Variants in CD2AP observed in about 807,000 individuals in gnomAD.
CD2AP encodes the protein CD2-associated protein.
A neutral mutation model predicts 85.1 loss-of-function variants in CD2AP; 46 were observed. That is an observed-to-expected ratio of 0.54 (90% CI 0.43 to 0.69). CD2AP has a LOEUF of 0.69. CD2AP is among the 30% of genes least tolerant of loss of function. The probability of loss-of-function intolerance (pLI) is 0.00; values close to 1 mark genes in which losing one functional copy is unlikely to be tolerated. For synonymous variants in CD2AP, 255 were observed against 252.9 expected (o/e 1.01, Z -0.08); for missense variants, 769 against 729.5 (o/e 1.05, Z -0.62).
intron 1 of CD2AP, among the ~76,000 whole-genome samples, chr6:47,489,483 A>G (rs978745322): frequency 6.6e-6 from 1 of 151,976 alleles, no homozygotes; most frequent in African/African-American, 2.4e-5. Flanking sequence ...GCTGCACTCG[A>G]CTAGTTTTTT....
At chr6:47,555,299 A>T (rs1397477188) in intron 5 of CD2AP, among the ~76,000 whole-genome samples, 1 of 152,186 alleles carries the variant, frequency 6.6e-6, no homozygotes, top group African/African-American at 2.4e-5. Flanking sequence ...TTTACCCCAA[A>T]GCTAGATTTA....
In CD2AP at chr6:47,576,748, A is replaced by G. The variant is rs574442886; in HGVS notation, c.808+146A>G. Reference sequence around the variant, plus strand: ...AAGCACCATGAGGTCAAGGATTTTGATATACTTTGTTGGTTGATGGATGTA... The same window carrying G: ...AAGCACCATGAGGTCAAGGATTTTGGTATACTTTGTTGGTTGATGGATGTA... On this transcript the variant is annotated intron_variant, in intron 7 of 17. Transcript: ENST00000359314. 24 of 697,516 alleles carry G rather than the reference A, an allele frequency of 3.4e-5. No homozygotes were observed. In the African/African-American group the frequency reaches 3.6e-4, roughly 10 times the overall value. The allele number at this position is 697,516 out of a possible 1,614,324, so 43.2% of individuals were successfully genotyped here.
At chr6:47,587,462 C>T (rs971215500) in intron 11 of CD2AP, among the ~76,000 whole-genome samples, 3 of 152,150 alleles carry the variant, frequency 2.0e-5, no homozygotes, top group African/African-American at 7.2e-5. Flanking sequence ...CAAGCCACCA[C>T]GTGGATTTTC....
chr6:47,592,967 T>A (rs1490148975), intron 11 of CD2AP, among the ~76,000 whole-genome samples: 6 of 152,108 alleles, frequency 3.9e-5, no homozygotes, highest in African/African-American at 1.4e-4. Flanking sequence ...AGCCAATTGA[T>A]CAGAAGTACG....
chr6:47,551,203 A>T (rs9367285), intron 4 of CD2AP, among the ~76,000 whole-genome samples: 91,718 of 151,838 alleles, frequency 0.6, 28,532 homozygotes, highest in Middle Eastern at 0.74. Context: ...AGAAAAAAAA[A>T]TTTAAAATAA....
At chr6:47,557,816 T>C (rs1187601279) in intron 5 of CD2AP, among the ~76,000 whole-genome samples, 1 of 152,230 alleles carries the variant, frequency 6.6e-6, no homozygotes, top group Non-Finnish European at 1.5e-5. Flanking sequence ...GGGCTCTTTT[T>C]TGGTTCCATA....
chr6:47,578,857 TTGTTGG>T (rs1239145451), intron 8 of CD2AP, among the ~76,000 whole-genome samples: 1 of 151,812 alleles, frequency 6.6e-6, no homozygotes, highest in African/African-American at 2.4e-5. Context: ...GGGTTTCACC[TTGTTGG>T]TCAGGCTGGT....
At chr6:47,624,139 A>T (rs555469249) in intron 17 of CD2AP, 47 bp from the exon 18 acceptor site, 1 of 1,435,070 alleles carries the variant, frequency 7.0e-7, no homozygotes, top group East Asian at 2.3e-5. Flanking sequence ...ATAAACTACT[A>T]AACTAAGGAT....
chr6:47,577,708 C>A (rs953234776), intron 8 of CD2AP, among the ~76,000 whole-genome samples: 4 of 151,982 alleles, frequency 2.6e-5, no homozygotes, highest in African/African-American at 9.7e-5. Flanking sequence ...TTTGCTATAA[C>A]CCTGTAGAAT....
chr6:47,620,049 T>C (rs1769704310), intron 17 of CD2AP, among the ~76,000 whole-genome samples: 1 of 152,264 alleles, frequency 6.6e-6, no homozygotes, highest in Non-Finnish European at 1.5e-5. Flanking sequence ...CCATTTGCCA[T>C]GCAAAAGCTC....
chr6:47,605,810 T>A (rs2114145028), intron 13 of CD2AP, among the ~76,000 whole-genome samples: 1 of 152,140 alleles, frequency 6.6e-6, no homozygotes, highest in South Asian at 2.1e-4. Context: ...GTTTAAGAAG[T>A]AGATCTTTGT....
At chr6:47,523,600 A>G (rs1439567926) in intron 2 of CD2AP, among the ~76,000 whole-genome samples, 1 of 152,158 alleles carries the variant, frequency 6.6e-6, no homozygotes, top group Non-Finnish European at 1.5e-5. Context: ...TAAAGCATTA[A>G]CTATTTTACA....
intron 2 of CD2AP, among the ~76,000 whole-genome samples, chr6:47,507,165 C>T (rs1299863686): frequency 6.6e-6 from 1 of 152,212 alleles, no homozygotes; most frequent in Non-Finnish European, 1.5e-5. Context: ...TGTTTTATCA[C>T]AAGGTTGCAA....
intron 7 of CD2AP, 41 bp from the exon 8 acceptor site, chr6:47,576,968 T>C: frequency 1.0e-6 from 1 of 1,001,238 alleles, no homozygotes; most frequent in Non-Finnish European, 1.6e-6. Context: ...GTTGAATGAA[T>C]CCATTTGTGT....
intron 9 of CD2AP, among the ~76,000 whole-genome samples, chr6:47,580,245 C>T (rs766433012): frequency 2.7e-4 from 41 of 152,108 alleles, no homozygotes; most frequent in African/African-American, 7.7e-4. Flanking sequence ...TTGTACATTA[C>T]GGCTTATCAA....
At chr6:47,511,561 A>C (rs1020496171) in intron 2 of CD2AP, among the ~76,000 whole-genome samples, 3 of 152,238 alleles carry the variant, frequency 2.0e-5, no homozygotes, top group Admixed American at 6.5e-5. Flanking sequence ...GGTTATACAC[A>C]CTATTAACAT....
At chr6:47,544,948 A>C (rs2114045862) in intron 4 of CD2AP, 1 of 368,950 alleles carries the variant, frequency 2.7e-6, no homozygotes, top group East Asian at 4.7e-5. Context: ...TTAAGAACGT[A>C]AACAAGCCTT....
Position 47,478,111 on chromosome 6 carries a change from G to T in CD2AP, c.-134G>T, listed in dbSNP as rs1582455159. 8.4e-7 allele frequency: 1 copy of T among 1,193,882 alleles called. No homozygotes were observed. The highest frequency in any genetic ancestry group is 2.6e-5 in the East Asian group (1 of 38,974). 74.0% of individuals were successfully genotyped at this position (1,193,882 alleles called of 1,614,324 possible). A position where few individuals can be genotyped will look rare whatever the true frequency, so the allele number is the denominator to read the frequency against. Reference sequence around the variant, plus strand: ...CGCGGGCGGATGGAGGCGACTCTTCGCCCCGCCTGAGCTCAGGAGGGGCTA... The same window carrying T: ...CGCGGGCGGATGGAGGCGACTCTTCTCCCCGCCTGAGCTCAGGAGGGGCTA... On this transcript the variant is annotated 5_prime_UTR_variant, in exon 1 of 18. Coordinates refer to ENST00000359314, the MANE Select transcript of CD2AP (RefSeq NM_012120.3).
intron 13 of CD2AP, among the ~76,000 whole-genome samples, chr6:47,605,357 C>T (rs1254993917): frequency 6.6e-6 from 1 of 151,936 alleles, no homozygotes; most frequent in Non-Finnish European, 1.5e-5. Flanking sequence ...TTTAGCAAGA[C>T]TTTCTGAATC....
Sources: gnomAD v4.1 joint callset for allele counts (sites outside exome capture counted in the v4.1 genomes callset) on GRCh38, gnomAD v4.1.1 for gene constraint, MANE v1.5 for transcripts, NCBI Gene and HGNC (gene_info 2026-07-23, HGNC 2026-07-21) for gene names.